Variants in FARP2 observed in about 807,000 individuals in gnomAD.
FARP2 encodes the protein FERM, ARH/RhoGEF and pleckstrin domain protein 2.
A neutral mutation model predicts 130.5 loss-of-function variants in FARP2; 111 were observed. That is an observed-to-expected ratio of 0.85 (90% CI 0.73 to 1.00). FARP2 has a LOEUF of 1.00. Among genes scored for constraint, FARP2 ranks in the 50% least tolerant of loss-of-function variants. The probability of loss-of-function intolerance (pLI) is 0.00; values close to 1 mark genes in which losing one functional copy is unlikely to be tolerated. For synonymous variants in FARP2, 504 were observed against 516.9 expected, an observed-to-expected ratio of 0.98 and a Z score of 0.34; for missense variants, 1,385 against 1,346.3, an observed-to-expected ratio of 1.03 and a Z score of -0.45.
chr2:241,406,420 TAG>T (rs60655206), intron 4 of FARP2, among the ~76,000 whole-genome samples: 55,212 of 150,618 alleles, frequency 0.37, 12,051 homozygotes, highest in East Asian at 0.83. Context: ...TGTATATATA[TAG>T]AGAGAGAGAG....
chr2:241,387,621 G>T (rs750657980), intron 2 of FARP2, among the ~76,000 whole-genome samples: 1 of 151,808 alleles, frequency 6.6e-6, no homozygotes, highest in Non-Finnish European at 1.5e-5. Flanking sequence ...GTGAAACCCC[G>T]TCTCTACTAA....
intron 2 of FARP2, among the ~76,000 whole-genome samples, chr2:241,390,306 T>C (rs2061876782): frequency 6.6e-6 from 1 of 152,220 alleles, no homozygotes; most frequent in African/African-American, 2.4e-5. Flanking sequence ...AGCAAATGAC[T>C]AAGGAGATGA....
chr2:241,407,270 A>C (rs927271473), intron 4 of FARP2, among the ~76,000 whole-genome samples: 3 of 152,166 alleles, frequency 2.0e-5, no homozygotes, highest in Non-Finnish European at 4.4e-5. Flanking sequence ...CCTGCTGCCC[A>C]GGCTGGAGTG....
chr2:241,459,532 GAT>G lies in FARP2; in HGVS notation c.1587+2611_1587+2612del, dbSNP rs2063955239. Among the ~76,000 whole-genome samples the G allele has an allele frequency of 2.0e-5, 3 of 152,316 alleles. No homozygotes were observed. In the East Asian group the frequency reaches 5.8e-4, roughly 29 times the overall value. ...CACTGTTTGTCCCCTTTTTAATAGA[GAT>G]TTGTGAGGATCGGCCACAGTCGAAA... On this transcript the variant is annotated intron_variant, in intron 14 of 26. Coordinates refer to ENST00000264042, the MANE Select transcript of FARP2 (RefSeq NM_014808.4). This position sits in a 1 kb window ranked among gnomAD's most constrained non-coding sequence, Gnocchi z 5.3.
intron 2 of FARP2, among the ~76,000 whole-genome samples, chr2:241,397,009 AAAT>A (rs1482373592): frequency 6.6e-6 from 1 of 152,222 alleles, no homozygotes; most frequent in African/African-American, 2.4e-5. Flanking sequence ...CAGCCATAAA[AAAT>A]GATGAGTTCA....
intron 10 of FARP2, among the ~76,000 whole-genome samples, 177 bp from the exon 11 acceptor site, chr2:241,434,785 G>T (rs1313700364): frequency 1.3e-5 from 2 of 152,076 alleles, no homozygotes; most frequent in African/African-American, 4.8e-5. Flanking sequence ...CCATGAGGCA[G>T]AGATCACGCC....
At chr2:241,415,142 C>T (rs774580691) in intron 7 of FARP2, among the ~76,000 whole-genome samples, 3 of 152,150 alleles carry the variant, frequency 2.0e-5, no homozygotes, top group Non-Finnish European at 2.9e-5. Flanking sequence ...GTGTGTAAGT[C>T]GGTGCTTCTC....
At chr2:241,454,530 C>T (rs551163481) in intron 13 of FARP2, among the ~76,000 whole-genome samples, 43 of 152,302 alleles carry the variant, frequency 2.8e-4, no homozygotes, top group African/African-American at 1.0e-3. Context: ...GAACACAAAC[C>T]CCAAACAGCG....
chr2:241,478,806 C>A, intron 19 of FARP2: 1 of 400,238 alleles, frequency 2.5e-6, no homozygotes, highest in South Asian at 2.1e-5. Context: ...CAGGTGGTGT[C>A]CACCATGTCC....
At chr2:241,409,997 A>G (rs564597447) in intron 5 of FARP2, among the ~76,000 whole-genome samples, 10 of 152,272 alleles carry the variant, frequency 6.6e-5, no homozygotes, top group African/African-American at 2.2e-4. Flanking sequence ...GAATGTGGTA[A>G]ATTTTAATAT....
intron 8 of FARP2, among the ~76,000 whole-genome samples, chr2:241,420,594 G>A (rs2062780809): frequency 6.6e-6 from 1 of 152,158 alleles, no homozygotes. Flanking sequence ...AACAAATGGA[G>A]AACATAAAAA....
intron 17 of FARP2, chr2:241,465,955 T>C (rs1443774397): frequency 2.1e-6 from 3 of 1,416,058 alleles, no homozygotes; most frequent in Non-Finnish European, 2.8e-6. Context: ...AGGTTGTTAA[T>C]GAGAAAGTTC....
chr2:241,491,549 CAGA>C lies in FARP2; in HGVS notation c.2661_2663del (p.Glu887del), dbSNP rs2064914010. On this transcript the variant is annotated inframe_deletion, in exon 24 of 27. Coordinates refer to ENST00000264042, the MANE Select transcript of FARP2 (RefSeq NM_014808.4). ...AACGAGGTATCTCTGGAGCAGGAGT[CAGA>C]AGATGATGCTCGGGGTGTCCGCAGC... is the stretch of plus-strand genomic sequence containing the variant. The C allele has an allele frequency of 3.1e-6, 5 of 1,613,602 alleles. No individual in the cohort carries two copies. Among genetic ancestry groups the C allele is most frequent in the African/African-American group, 2.7e-5 (2 of 74,932 alleles).
At chr2:241,415,737 A>G (rs2062646712) in intron 7 of FARP2, among the ~76,000 whole-genome samples, 1 of 152,122 alleles carries the variant, frequency 6.6e-6, no homozygotes, top group Non-Finnish European at 1.5e-5. Context: ...GTGCCAAGAG[A>G]GCATGTTTTA....
At chr2:241,491,700 C>T in intron 24 of FARP2, 21 bp downstream of exon 24, 1 of 1,570,658 alleles carries the variant, frequency 6.4e-7, no homozygotes, top group Non-Finnish European at 8.7e-7. Context: ...ATGAGCACCA[C>T]CTCAGTGCAT....
At chr2:241,377,760 ATTAC>A (rs1257303234) in intron 2 of FARP2, among the ~76,000 whole-genome samples, 1 of 151,866 alleles carries the variant, frequency 6.6e-6, no homozygotes, top group African/African-American at 2.4e-5. Context: ...TCATTGTACT[ATTAC>A]TTTTTATCAT....
intron 14 of FARP2, among the ~76,000 whole-genome samples, chr2:241,457,448 TAAG>T (rs2063884525): frequency 7.7e-6 from 1 of 129,408 alleles, no homozygotes; most frequent in Non-Finnish European, 1.7e-5. Context: ...ATCTGGGTGC[TAAG>T]GGAGGGTACA....
chr2:241,446,802 A>G (rs1020573824), intron 13 of FARP2: 2 of 152,196 alleles, frequency 1.3e-5, no homozygotes, highest in African/African-American at 2.4e-5. Context: ...TCTGGGAGCC[A>G]TGTGTATGGA....
intron 2 of FARP2, among the ~76,000 whole-genome samples, chr2:241,383,857 G>A (rs116334078): frequency 1.1e-3 from 168 of 152,208 alleles, no homozygotes; most frequent in African/African-American, 3.9e-3. Flanking sequence ...ATGTGGAGTC[G>A]AAGAGGCTCA....
Sources: gnomAD v4.1 joint callset for allele counts (sites outside exome capture counted in the v4.1 genomes callset) on GRCh38, gnomAD v4.1.1 for gene constraint, Gnocchi (gnomAD v3.1) non-coding constraint, MANE v1.5 for transcripts, NCBI Gene and HGNC (gene_info 2026-07-23, HGNC 2026-07-21) for gene names.